Variants in ATG16L1 observed in about 807,000 individuals in gnomAD.
The protein encoded by ATG16L1 is autophagy-related protein 16-1.
In ATG16L1, 37 loss-of-function variants were observed where a neutral mutation model predicts 88.5. The ratio of observed to expected loss-of-function variants is 0.42; its 90% CI spans 0.32 to 0.55. The LOEUF is 0.55. Ranked by LOEUF, ATG16L1 falls within the 20% of genes least tolerant of loss-of-function variation. ATG16L1 has a pLI of 0.13. For synonymous variants in ATG16L1, 301 were observed against 281.0 expected (o/e 1.07, Z -0.71); for missense variants, 554 against 752.8 (o/e 0.74, Z 3.09).
At chr2:233,273,618 T>C (rs1698135185) in intron 7 of ATG16L1, 103 bp from the exon 8 acceptor site, 1 of 1,132,326 alleles carries the variant, frequency 8.8e-7, no homozygotes, top group Admixed American at 1.9e-5. Context: ...GGGAACTAAG[T>C]GGGAAACATA....
chr2:233,283,352 A>T (rs142341801), intron 12 of ATG16L1, among the ~76,000 whole-genome samples: 497 of 151,490 alleles, frequency 3.3e-3, no homozygotes, highest in African/African-American at 0.011. Flanking sequence ...ATTTGCAGAC[A>T]TTTTTTTTCC....
In ATG16L1 at chr2:233,294,359, T is replaced by C. The variant is rs1402010745; in HGVS notation, c.*9T>C. On this transcript the variant is annotated 3_prime_UTR_variant, in exon 18 of 18. Transcript: ENST00000392017. The stretch of plus-strand genomic sequence containing the variant: ...TGTGGGCACAGTACTGACGGGGCTC[T>C]CAGGGCTGGGAGGACCCCAGTGCCC... 2 of 1,612,384 alleles carry C rather than the reference T, an allele frequency of 1.2e-6. No individual in the cohort carries two copies. The highest frequency in any genetic ancestry group is 1.7e-5 in the Admixed American group (1 of 60,006).
chr2:233,275,576 A>G (rs1049339431), intron 9 of ATG16L1: 1 of 397,970 alleles, frequency 2.5e-6, no homozygotes, highest in African/African-American at 2.1e-5. Flanking sequence ...GGACTTAGCT[A>G]GTTACACAGT....
At chr2:233,280,214 T>C (rs1426254317) in intron 10 of ATG16L1, among the ~76,000 whole-genome samples, 1 of 152,238 alleles carries the variant, frequency 6.6e-6, no homozygotes, top group Non-Finnish European at 1.5e-5. Context: ...CTGAATAAGA[T>C]AAAAATGTGT....
At chr2:233,292,507 A>G (rs1379487915) in intron 16 of ATG16L1, 73 bp downstream of exon 16, 2 of 1,591,816 alleles carry the variant, frequency 1.3e-6, no homozygotes, top group Non-Finnish European at 1.7e-6. Context: ...CCCACTGGGG[A>G]TATAGAGCTA....
At position 233,292,294 on chromosome 2, in the gene ATG16L1, T is replaced by G; in HGVS notation, c.1580+17T>G. The stretch of plus-strand genomic sequence containing the variant: ...GACATTCAGGTAACTGAAGATGTGC[T>G]GGTTGCATGAAGACCAGAGGCCCAG... On this transcript the variant is annotated intron_variant, in intron 15 of 17. Coordinates refer to ENST00000392017, the MANE Select transcript of ATG16L1 (RefSeq NM_030803.7). 1 of 1,614,096 alleles carries G rather than the reference T, an allele frequency of 6.2e-7. No individual in the cohort carries two copies. The highest frequency in any genetic ancestry group is 8.5e-7 in the Non-Finnish European group (1 of 1,180,038).
chr2:233,269,616 G>A (rs1452338321), intron 5 of ATG16L1, among the ~76,000 whole-genome samples: 4 of 152,204 alleles, frequency 2.6e-5, no homozygotes, highest in Non-Finnish European at 5.9e-5. Flanking sequence ...CAAACATTTC[G>A]AGTAATGGAT....
chr2:233,276,379 ATTTGAAGCCAAT>A (rs2125256897), intron 9 of ATG16L1, among the ~76,000 whole-genome samples: 1 of 152,306 alleles, frequency 6.6e-6, no homozygotes, highest in African/African-American at 2.4e-5. Flanking sequence ...TGCTGGAGCA[ATTTGAAGCCAAT>A]TCTAGGCATT....
intron 14 of ATG16L1, among the ~76,000 whole-genome samples, chr2:233,290,622 A>G (rs1463276899): frequency 7.7e-6 from 1 of 129,686 alleles, no homozygotes; most frequent in African/African-American, 2.9e-5. Context: ...CCTTTAGGTA[A>G]TTTAAACTGT....
chr2:233,285,969 C>T (rs765913067), intron 12 of ATG16L1, among the ~76,000 whole-genome samples: 1 of 152,072 alleles, frequency 6.6e-6, no homozygotes. Flanking sequence ...GTGATGCCTC[C>T]GTTAAAAATC....
At chr2:233,283,226 A>G (rs774010403) in intron 12 of ATG16L1, among the ~76,000 whole-genome samples, 17 of 152,340 alleles carry the variant, frequency 1.1e-4, no homozygotes, top group Admixed American at 2.0e-4. Context: ...TGTTGAGGAA[A>G]GCTGCATTTG....
chr2:233,258,001 CAAA>C lies in ATG16L1; in HGVS notation c.209+1820_209+1822del, dbSNP rs57141358. ...TGGGTGACAGAGCGAGACTCCGTCTCAAAAAAAAAAAAAAAATATCTATATATC... is the reference window on the plus strand; with the variant it reads ...TGGGTGACAGAGCGAGACTCCGTCTCAAAAAAAAAAAAATATCTATATATC... On this transcript the variant is annotated intron_variant, in intron 2 of 17. Transcript: ENST00000392017. Among the ~76,000 whole-genome samples, 32 of 88,796 alleles carry C rather than the reference CAAA, an allele frequency of 3.6e-4. 1 individual carries two copies. Among genetic ancestry groups the C allele is most frequent in the Admixed American group, 2.8e-3 (24 of 8,514 alleles). 58.3% of individuals were successfully genotyped at this position (88,796 alleles called of 152,430 possible). A position where few individuals can be genotyped will look rare whatever the true frequency, so the allele number is the denominator to read the frequency against.
chr2:233,279,252 G>A (rs559609313), intron 10 of ATG16L1, among the ~76,000 whole-genome samples: 2 of 152,274 alleles, frequency 1.3e-5, no homozygotes, highest in South Asian at 4.1e-4. Flanking sequence ...ATGCCATTGA[G>A]ATTTAAATAA....
At chr2:233,274,867 G>A (rs1021545042) in intron 9 of ATG16L1, 89 bp downstream of exon 9, 2 of 880,436 alleles carry the variant, frequency 2.3e-6, no homozygotes, top group African/African-American at 1.7e-5. Flanking sequence ...CTGCAGCTAA[G>A]CATTCCATTG....
chr2:233,258,007 A>G (rs1439714305), intron 2 of ATG16L1, among the ~76,000 whole-genome samples: 1 of 115,450 alleles, frequency 8.7e-6, no homozygotes, highest in Non-Finnish European at 1.9e-5. Context: ...GTCTCAAAAA[A>G]AAAAAAAAAA....
At chr2:233,270,527 A>C (rs1276681888) in intron 6 of ATG16L1, among the ~76,000 whole-genome samples, 1 of 152,166 alleles carries the variant, frequency 6.6e-6, no homozygotes, top group Non-Finnish European at 1.5e-5. Flanking sequence ...AACTTCCTGC[A>C]CTCAGTACCC....
At chr2:233,273,274 C>T in intron 7 of ATG16L1, 1 of 544,418 alleles carries the variant, frequency 1.8e-6, no homozygotes, top group Non-Finnish European at 3.3e-6. Flanking sequence ...CTTCTAAATA[C>T]AAAAAAATGT....
intron 10 of ATG16L1, among the ~76,000 whole-genome samples, chr2:233,280,642 C>T (rs1214026202): frequency 6.6e-6 from 1 of 152,124 alleles, no homozygotes; most frequent in Non-Finnish European, 1.5e-5. Flanking sequence ...TGAAAATTAC[C>T]ACACCATGGG....
intron 12 of ATG16L1, among the ~76,000 whole-genome samples, chr2:233,285,522 G>A (rs1699016728): frequency 6.6e-6 from 1 of 152,206 alleles, no homozygotes; most frequent in Admixed American, 6.5e-5. Context: ...TGCTGCTTCT[G>A]ATGATGCCGT....
Sources: gnomAD v4.1 joint callset for allele counts (sites outside exome capture counted in the v4.1 genomes callset) on GRCh38, gnomAD v4.1.1 for gene constraint, MANE v1.5 for transcripts, NCBI Gene and HGNC (gene_info 2026-07-23, HGNC 2026-07-21) for gene names.